Variants in BCAS3 observed in about 807,000 individuals in gnomAD.
BCAS3 encodes the protein BCAS3 microtubule associated cell migration factor, also known as BCAS4/BCAS3 fusion.
A neutral mutation model predicts 116.1 loss-of-function variants in BCAS3; 53 were observed. That is an observed-to-expected ratio of 0.46 (90% confidence interval 0.37 to 0.57). The LOEUF (loss-of-function observed/expected upper bound fraction) is 0.57, where lower values mean the gene tolerates loss of function less well. BCAS3 is among the 20% of genes least tolerant of loss of function. BCAS3 has a pLI of 0.00. For missense variants in BCAS3, 917 were observed against 1,165.4 expected, an observed-to-expected ratio of 0.79 and a Z score of 3.10; for synonymous variants, 391 against 408.2, an observed-to-expected ratio of 0.96 and a Z score of 0.51.
At chr17:60,786,266 A>C (rs1439080566) in intron 6 of BCAS3, among the ~76,000 whole-genome samples, 1 of 152,118 alleles carries the variant, frequency 6.6e-6, no homozygotes, top group East Asian at 1.9e-4. Context: ...CATCAGACTT[A>C]ATCAGAGGGT....
At chr17:60,813,764 G>T (rs2049064871) in intron 7 of BCAS3, among the ~76,000 whole-genome samples, 1 of 152,048 alleles carries the variant, frequency 6.6e-6, no homozygotes, top group African/African-American at 2.4e-5. Flanking sequence ...TTTCTTCTAG[G>T]ATTTTTATAG....
chr17:60,697,385 AC>A, intron 4 of BCAS3, among the ~76,000 whole-genome samples: 1 of 151,862 alleles, frequency 6.6e-6, no homozygotes, highest in East Asian at 1.9e-4. Flanking sequence ...ACATGGTGAA[AC>A]CCCGTCTCTA....
intron 4 of BCAS3, among the ~76,000 whole-genome samples, chr17:60,705,013 TGATACTCTATGGAAA>T: frequency 6.6e-6 from 1 of 152,020 alleles, no homozygotes. Context: ...TCACCACACA[TGATACTCTATGGAAA>T]GGATTGTCAA....
At chr17:61,050,947 TTAAG>T (rs2068803949) in intron 19 of BCAS3, among the ~76,000 whole-genome samples, 1 of 151,886 alleles carries the variant, frequency 6.6e-6, no homozygotes, top group African/African-American at 2.4e-5. Context: ...ACCACAAGAG[TTAAG>T]TAAGAAATGA....
chr17:60,821,764 C>A (rs1293532032), intron 7 of BCAS3: 4 of 152,206 alleles, frequency 2.6e-5, no homozygotes, highest in African/African-American at 4.8e-5. Context: ...CGGCTCACTG[C>A]AACCTCTGCC....
intron 2 of BCAS3, among the ~76,000 whole-genome samples, chr17:60,682,072 G>T (rs2143800604): frequency 6.6e-6 from 1 of 152,222 alleles, no homozygotes; most frequent in East Asian, 1.9e-4. Flanking sequence ...CATCAAATTG[G>T]CTAGGCTGAA....
intron 22 of BCAS3, among the ~76,000 whole-genome samples, chr17:61,231,283 T>C (rs1185219463): frequency 1.3e-5 from 2 of 152,156 alleles, no homozygotes; most frequent in Admixed American, 6.5e-5. Flanking sequence ...GTGTTTTTAA[T>C]TTTTTGCTTG....
chr17:61,261,374 A>G lies in BCAS3; in HGVS notation c.2426-106953A>G, dbSNP rs1380320032. ...CTCTGCTGCAGGATGCTACCCCCTG[A>G]CCCTTTATAAGTCAGCCTTGCTTGA... On this transcript the variant is annotated intron_variant, in intron 22 of 23. Coordinates refer to ENST00000407086, the MANE Select transcript of BCAS3 (RefSeq NM_017679.5). This position sits in a 1 kb window ranked among gnomAD's most constrained non-coding sequence, Gnocchi z 4.4. Among the ~76,000 whole-genome samples, 1 of 152,110 alleles carries G rather than the reference A, an allele frequency of 6.6e-6. No homozygotes were observed. The highest frequency in any genetic ancestry group is 2.4e-5 in the African/African-American group (1 of 41,424).
chr17:61,245,911 ATT>A (rs1458563636), intron 22 of BCAS3, among the ~76,000 whole-genome samples: 7 of 152,326 alleles, frequency 4.6e-5, no homozygotes, highest in African/African-American at 1.7e-4. Flanking sequence ...CCAGGGGTCC[ATT>A]ATTGGTGCAC....
chr17:60,701,158 C>G (rs150374331), intron 4 of BCAS3, among the ~76,000 whole-genome samples: 1 of 151,860 alleles, frequency 6.6e-6, no homozygotes, highest in Non-Finnish European at 1.5e-5. Flanking sequence ...GCACTAGAAT[C>G]GCTTTAACTG....
intron 19 of BCAS3, among the ~76,000 whole-genome samples, chr17:61,057,545 T>G (rs1304826599): frequency 6.6e-6 from 1 of 152,200 alleles, no homozygotes; most frequent in Non-Finnish European, 1.5e-5. Context: ...AACTTTCAGA[T>G]TTGGGGAGAT....
At position 61,131,159 on chromosome 17, in the gene BCAS3, GGT is replaced by G. The variant is rs2076320824; in HGVS notation, c.2425+46596_2425+46597del. 6.6e-6 allele frequency among the ~76,000 whole-genome samples: 1 copy of G among 152,050 alleles called. No homozygotes were observed. Among genetic ancestry groups the G allele is most frequent in the South Asian group, 2.1e-4 (1 of 4,824 alleles). On this transcript the variant is annotated intron_variant, in intron 22 of 23. Coordinates refer to ENST00000407086, the MANE Select transcript of BCAS3 (RefSeq NM_017679.5). The surrounding 1 kb of genome is among the most constrained non-coding windows in gnomAD (Gnocchi z 4.4). ...AACAAGTCTATTTAACTTTTTCTTA[GGT>G]TATTTCTAAGAGAGTTTCAAAATGA...
In BCAS3 at chr17:60,911,123, C is replaced by CTTTTT. The variant is rs1162942971; in HGVS notation, c.993+434_993+438dup. 2.6e-3 allele frequency among the ~76,000 whole-genome samples: 232 copies of CTTTTT among 88,190 alleles called. 1 individual carries two copies. Among genetic ancestry groups the CTTTTT allele is most frequent in the African/African-American group, 9.8e-3 (216 of 22,138 alleles). 57.9% of individuals were successfully genotyped at this position (88,190 alleles called of 152,430 possible). A position where few individuals can be genotyped will look rare whatever the true frequency, so the allele number is the denominator to read the frequency against. On this transcript the variant is annotated intron_variant, in intron 12 of 23. Coordinates refer to ENST00000407086, the MANE Select transcript of BCAS3 (RefSeq NM_017679.5). ...AATAAATTTTTTTCTTTTTTTCTTT[C>CTTTTT]TTTTTTTTTTTTTTTTTGAGATGGA...
chr17:60,874,138 C>G (rs1437765453), intron 8 of BCAS3, among the ~76,000 whole-genome samples: 1 of 151,972 alleles, frequency 6.6e-6, no homozygotes, highest in Non-Finnish European at 1.5e-5. Context: ...GTGATCGTAG[C>G]TCCCTGCAGT....
chr17:61,304,166 C>T (rs1258838583), intron 22 of BCAS3, among the ~76,000 whole-genome samples: 2 of 152,226 alleles, frequency 1.3e-5, no homozygotes, highest in African/African-American at 4.8e-5. Context: ...TTACCACCCC[C>T]AAGTTCATTG....
chr17:61,388,431 A>C lies in BCAS3; in HGVS notation c.2594-3546A>C. 3 of 564,260 alleles carry C rather than the reference A, an allele frequency of 5.3e-6. No individual in the cohort carries two copies. Among genetic ancestry groups the C allele is most frequent in the South Asian group, 2.1e-5 (1 of 47,494 alleles). The allele number at this position is 564,260 out of a possible 1,614,324, so 35.0% of individuals were successfully genotyped here. ...CAGCAGATCCATCTCTGGGACCCCC[A>C]AGACAGATTGGTCCCCAGCCCCTAC... On this transcript the variant is annotated intron_variant, in intron 23 of 23. Transcript: ENST00000407086. This position sits in a 1 kb window ranked among gnomAD's most constrained non-coding sequence, Gnocchi z 6.5.
At chr17:60,794,305 C>T (rs565599947) in intron 6 of BCAS3, among the ~76,000 whole-genome samples, 2 of 152,122 alleles carry the variant, frequency 1.3e-5, no homozygotes, top group African/African-American at 4.8e-5. Context: ...TGGATATTAG[C>T]CCTTTGTCAG....
chr17:60,808,919 GAGA>G (rs1235345062), intron 7 of BCAS3, among the ~76,000 whole-genome samples: 2 of 152,178 alleles, frequency 1.3e-5, no homozygotes, highest in Non-Finnish European at 2.9e-5. Flanking sequence ...TGCAGCAGAT[GAGA>G]AGGACTGCCA....
At chr17:61,111,016 G>A (rs1040478297) in intron 22 of BCAS3, among the ~76,000 whole-genome samples, 3 of 151,960 alleles carry the variant, frequency 2.0e-5, no homozygotes, top group Admixed American at 6.5e-5. Flanking sequence ...CAGACCTGCA[G>A]CTGAGGGTCC....
Sources: gnomAD v4.1 joint callset for allele counts (sites outside exome capture counted in the v4.1 genomes callset) on GRCh38, gnomAD v4.1.1 for gene constraint, Gnocchi (gnomAD v3.1) non-coding constraint, MANE v1.5 for transcripts, NCBI Gene and HGNC (gene_info 2026-07-23, HGNC 2026-07-21) for gene names.